Variants in ZNF385D observed in about 807,000 individuals in gnomAD.
ZNF385D encodes the protein zinc finger protein 385D.
ZNF385D carries 15 observed loss-of-function variants against 35.8 expected under a neutral mutation model. That is an observed-to-expected ratio of 0.42 (90% CI 0.28 to 0.64). ZNF385D has a LOEUF of 0.64. ZNF385D is among the 30% of genes least tolerant of loss of function. The pLI, the probability that ZNF385D is intolerant of heterozygous loss-of-function variation, is 0.23. For missense variants in ZNF385D, 474 were observed against 494.6 expected (o/e 0.96, Z 0.39); for synonymous variants, 212 against 186.8 (o/e 1.13, Z -1.10).
chr3:22,005,068 A>C (rs1447050210), intron 3 of ZNF385D, among the ~76,000 whole-genome samples: 1 of 149,536 alleles, frequency 6.7e-6, no homozygotes, highest in African/African-American at 2.4e-5. Context: ...AAAAAAAAAA[A>C]AAAAAAAAAA....
chr3:21,791,541 A>C (rs1462835118), intron 3 of ZNF385D, among the ~76,000 whole-genome samples: 4 of 152,180 alleles, frequency 2.6e-5, no homozygotes, highest in African/African-American at 7.2e-5. Flanking sequence ...TGCTTTGGAG[A>C]CAAAAGTCTG....
rs73137147 is a variant in ZNF385D, at chr3:22,021,506, C to A, written c.325+147311G>T. Among the ~76,000 whole-genome samples, 4 of 151,990 alleles carry A rather than the reference C, an allele frequency of 2.6e-5. No homozygotes were observed. The South Asian group carries it at 8.3e-4, about 31-fold the overall frequency. On this transcript the variant is annotated intron_variant, in intron 3 of 5. Transcript: ENST00000494108. Reference sequence around the variant, plus strand: ...CCTAGGTTTTGAATCCTGACTCCACCGCTAACTATATTTATGCCTTTGAGT... The same window carrying A: ...CCTAGGTTTTGAATCCTGACTCCACAGCTAACTATATTTATGCCTTTGAGT...
In ZNF385D at chr3:21,529,822, G is replaced by A. The variant is rs188432195; in HGVS notation, c.277-18799C>T. On this transcript the variant is annotated intron_variant, in intron 3 of 7. Transcript: ENST00000281523. ...TTTGGCTTTCCTTTCTATGGATTAT[G>A]TGACCTTGACCAAGTTACTTTTCTC... Among the ~76,000 whole-genome samples, 300 of 152,302 alleles carry A rather than the reference G, an allele frequency of 2.0e-3. 2 individuals carry two copies. The highest frequency in any genetic ancestry group is 0.012 in the Admixed American group (177 of 15,288).
intron 3 of ZNF385D, among the ~76,000 whole-genome samples, chr3:22,168,145 A>C (rs1422712074): frequency 1.3e-5 from 2 of 152,138 alleles, no homozygotes; most frequent in East Asian, 3.9e-4. Flanking sequence ...ATTGTAACTC[A>C]AGTTGCAGTG....
At chr3:21,781,087 A>T (rs557680491) in intron 3 of ZNF385D, among the ~76,000 whole-genome samples, 31 of 152,196 alleles carry the variant, frequency 2.0e-4, no homozygotes, top group African/African-American at 7.2e-4. Context: ...GAGATGGAGA[A>T]GCTAGGAGAT....
At chr3:22,140,083 T>C (rs1011335638) in intron 3 of ZNF385D, among the ~76,000 whole-genome samples, 1 of 152,188 alleles carries the variant, frequency 6.6e-6, no homozygotes, top group African/African-American at 2.4e-5. Flanking sequence ...ACCCAACCCA[T>C]CAATTTCATT....
At chr3:22,122,879 T>C (rs1703170147) in intron 3 of ZNF385D, among the ~76,000 whole-genome samples, 1 of 151,960 alleles carries the variant, frequency 6.6e-6, no homozygotes, top group Admixed American at 6.6e-5. Context: ...TGGCAAAAGA[T>C]GAAGTAAAGC....
intron 3 of ZNF385D, among the ~76,000 whole-genome samples, chr3:22,149,230 A>G (rs1321775777): frequency 2.0e-5 from 3 of 152,144 alleles, no homozygotes; most frequent in East Asian, 3.9e-4. Context: ...ACATTTCCTA[A>G]AAGTCTATAT....
chr3:21,471,252 CTTTCTCTCTCTCTCTCTCT>C (rs1703866248), intron 4 of ZNF385D, among the ~76,000 whole-genome samples: 1 of 94,388 alleles, frequency 1.1e-5, no homozygotes, highest in Non-Finnish European at 2.3e-5. Flanking sequence ...CCCTCCCTCC[CTTTCTCTCTCTCTCTCTCT>C]CTTTCTCTCT....
chr3:22,267,556 G>T (rs557361560), intron 2 of ZNF385D, among the ~76,000 whole-genome samples: 1 of 151,790 alleles, frequency 6.6e-6, no homozygotes, highest in Admixed American at 6.6e-5. Context: ...ATATTTCTCA[G>T]TAAGAAATAA....
chr3:21,861,077 C>T (rs780232752), intron 3 of ZNF385D, among the ~76,000 whole-genome samples: 4 of 152,090 alleles, frequency 2.6e-5, no homozygotes, highest in Non-Finnish European at 5.9e-5. Context: ...GCGTTATCCA[C>T]TCAAGGTCAA....
At chr3:21,679,993 C>T (rs1049931850) in intron 1 of ZNF385D, among the ~76,000 whole-genome samples, 8 of 151,992 alleles carry the variant, frequency 5.3e-5, no homozygotes, top group East Asian at 1.9e-4. Flanking sequence ...GTGCCTAATA[C>T]GTGGTAAGGA....
At chr3:21,885,373 ATACT>A (rs764575622) in intron 3 of ZNF385D, among the ~76,000 whole-genome samples, 2 of 152,044 alleles carry the variant, frequency 1.3e-5, no homozygotes, top group Non-Finnish European at 2.9e-5. Context: ...TAATAATCAA[ATACT>A]TACTTATACC....
At chr3:22,166,744 C>A (rs1431665349) in intron 3 of ZNF385D, among the ~76,000 whole-genome samples, 1 of 152,328 alleles carries the variant, frequency 6.6e-6, no homozygotes, top group Admixed American at 6.5e-5. Context: ...ATGCTTGGGA[C>A]TAACTCTGAT....
At chr3:22,285,145 C>A (rs1417786262) in intron 2 of ZNF385D, among the ~76,000 whole-genome samples, 2 of 152,122 alleles carry the variant, frequency 1.3e-5, no homozygotes, top group Non-Finnish European at 2.9e-5. Flanking sequence ...CCAACTGAAT[C>A]ACCAATTTTG....
chr3:22,136,806 T>C (rs1159232573), intron 3 of ZNF385D, among the ~76,000 whole-genome samples: 2 of 152,104 alleles, frequency 1.3e-5, no homozygotes, highest in Non-Finnish European at 2.9e-5. Flanking sequence ...GAAACTTAAG[T>C]GCATTTTCTA....
intron 2 of ZNF385D, among the ~76,000 whole-genome samples, chr3:22,363,016 G>T (rs1696486667): frequency 6.6e-6 from 1 of 152,126 alleles, no homozygotes; most frequent in Admixed American, 6.6e-5. Flanking sequence ...GCAAAGAACT[G>T]AATTATCCAG....
At chr3:21,622,423 G>T (rs1332860754) in intron 2 of ZNF385D, among the ~76,000 whole-genome samples, 1 of 152,112 alleles carries the variant, frequency 6.6e-6, no homozygotes, top group Non-Finnish European at 1.5e-5. Flanking sequence ...GCTTTGAGAA[G>T]TCAAGTGATG....
intron 3 of ZNF385D, among the ~76,000 whole-genome samples, chr3:21,800,365 T>C (rs1409201107): frequency 6.6e-6 from 1 of 152,198 alleles, no homozygotes; most frequent in Non-Finnish European, 1.5e-5. Flanking sequence ...ATTAAATCTA[T>C]CCAATCCATT....
Sources: gnomAD v4.1 joint callset for allele counts (sites outside exome capture counted in the v4.1 genomes callset) on GRCh38, gnomAD v4.1.1 for gene constraint, MANE v1.5 for transcripts, NCBI Gene and HGNC (gene_info 2026-07-23, HGNC 2026-07-21) for gene names.